Variants in MDFIC2 observed in about 807,000 individuals in gnomAD.
The protein encoded by MDFIC2 is myoD family inhibitor domain-containing protein 2.
intron 2 of MDFIC2, among the ~76,000 whole-genome samples, chr3:70,254,368 A>T (rs1701795865): frequency 6.6e-6 from 1 of 152,170 alleles, no homozygotes; most frequent in African/African-American, 2.4e-5. Flanking sequence ...ATTCTCAATT[A>T]TTATTTTGTT....
chr3:70,223,173 G>C (rs906050960), intron 2 of MDFIC2, among the ~76,000 whole-genome samples: 2 of 152,132 alleles, frequency 1.3e-5, no homozygotes, highest in African/African-American at 4.8e-5. Context: ...GTAACAGGGT[G>C]CTAACATGTG....
At chr3:70,277,583 T>C (rs1410208137) in intron 2 of MDFIC2, among the ~76,000 whole-genome samples, 1 of 152,218 alleles carries the variant, frequency 6.6e-6, no homozygotes, top group Non-Finnish European at 1.5e-5. Context: ...ATTGGCCTAA[T>C]GCAAGCAATA....
chr3:70,221,250 T>C (rs538412436), intron 2 of MDFIC2, among the ~76,000 whole-genome samples: 1 of 152,284 alleles, frequency 6.6e-6, no homozygotes, highest in African/African-American at 2.4e-5. Context: ...AAAATAATGA[T>C]AGCTAACATT....
Position 70,230,514 on chromosome 3 carries a change from A to C in MDFIC2, c.89-23724T>G, listed in dbSNP as rs578217867. Among the ~76,000 whole-genome samples, 575 of 152,142 alleles carry C rather than the reference A, an allele frequency of 3.8e-3. 2 individuals are homozygous for C. The highest frequency in any genetic ancestry group is 0.013 in the African/African-American group (531 of 41,512). ...CGAGATGAATCATATATATATATATACAGTTTTGCAATCCTAGCCTAATAG... is the reference window on the plus strand; with the variant it reads ...CGAGATGAATCATATATATATATATCCAGTTTTGCAATCCTAGCCTAATAG... On this transcript the variant is annotated intron_variant, in intron 2 of 3. Coordinates refer to ENST00000567252, the MANE Select transcript of MDFIC2 (RefSeq NM_001364677.1).
At position 70,197,059 on chromosome 3, in the gene MDFIC2, G is replaced by A. The variant is rs1486132887; in HGVS notation, c.437C>T (p.Thr146Ile). ...ATTCCGAGAGTGGTTTTCATCCGAG[G>A]TGTGGTGATACCGGCGAGAGGGGCA... Reference protein sequence around the residue: ...MCCPSRRYHHTSDENHSRNDC... With the variant: ...MCCPSRRYHHISDENHSRNDC... The change falls in exon 4 of 4, where the codon ACC (threonine) becomes ATC (isoleucine). Residue 146 changes from threonine to isoleucine, a missense_variant. Transcript: ENST00000567252. 2.5e-6 allele frequency: 1 copy of A among 398,580 alleles called. No homozygotes were observed. The highest frequency in any genetic ancestry group is 1.3e-4 in the South Asian group (1 of 7,856). 24.7% of individuals were successfully genotyped at this position (398,580 alleles called of 1,614,324 possible).
At chr3:70,238,145 G>A (rs934925173) in intron 2 of MDFIC2, among the ~76,000 whole-genome samples, 2 of 151,720 alleles carry the variant, frequency 1.3e-5, no homozygotes, top group African/African-American at 4.8e-5. Flanking sequence ...CTATCTCCTA[G>A]CCACAGCAGC....
intron 2 of MDFIC2, among the ~76,000 whole-genome samples, chr3:70,264,337 T>G (rs1701895775): frequency 6.6e-6 from 1 of 152,208 alleles, no homozygotes; most frequent in Non-Finnish European, 1.5e-5. Flanking sequence ...TTTACATATT[T>G]AGAAATCTGC....
intron 2 of MDFIC2, among the ~76,000 whole-genome samples, chr3:70,276,811 A>T (rs1194792692): frequency 6.6e-6 from 1 of 152,232 alleles, no homozygotes; most frequent in Non-Finnish European, 1.5e-5. Flanking sequence ...TAAGCCAGAA[A>T]TATTTACTAT....
intron 2 of MDFIC2, among the ~76,000 whole-genome samples, chr3:70,286,150 T>C (rs541877426): frequency 6.6e-6 from 1 of 152,342 alleles, no homozygotes; most frequent in Non-Finnish European, 1.5e-5. Context: ...ATGTCCTGAA[T>C]GGTAATGCCT....
At chr3:70,257,672 T>C (rs1035932484) in intron 2 of MDFIC2, among the ~76,000 whole-genome samples, 4 of 152,166 alleles carry the variant, frequency 2.6e-5, no homozygotes, top group African/African-American at 9.6e-5. Flanking sequence ...CTACCTAAAT[T>C]AATGGAGATA....
At chr3:70,312,218 A>G (rs1464144832) in intron 1 of MDFIC2, among the ~76,000 whole-genome samples, 2 of 152,222 alleles carry the variant, frequency 1.3e-5, no homozygotes, top group Non-Finnish European at 2.9e-5. Flanking sequence ...ACAAGACCTT[A>G]CAATTTCTCA....
chr3:70,290,875 C>T (rs574902504), intron 2 of MDFIC2, among the ~76,000 whole-genome samples: 2 of 152,318 alleles, frequency 1.3e-5, no homozygotes, highest in South Asian at 4.1e-4. Context: ...CTCGCTGACC[C>T]CTTGCGCTTC....
chr3:70,289,848 G>T (rs1256029732), intron 2 of MDFIC2, among the ~76,000 whole-genome samples: 3 of 151,874 alleles, frequency 2.0e-5, no homozygotes, highest in African/African-American at 7.3e-5. Context: ...CCAGTTGATT[G>T]CATCGGCTCC....
intron 2 of MDFIC2, among the ~76,000 whole-genome samples, chr3:70,258,797 A>G (rs1455979608): frequency 6.6e-6 from 1 of 152,214 alleles, no homozygotes; most frequent in Non-Finnish European, 1.5e-5. Flanking sequence ...TATTTAGCCA[A>G]TAAAATATAA....
chr3:70,216,904 T>C (rs1277568681), intron 2 of MDFIC2, among the ~76,000 whole-genome samples: 1 of 152,134 alleles, frequency 6.6e-6, no homozygotes, highest in Admixed American at 6.6e-5. Flanking sequence ...CAACCTATTA[T>C]GCACAGGGAC....
intron 2 of MDFIC2, among the ~76,000 whole-genome samples, chr3:70,295,092 C>T (rs775921661): frequency 6.6e-6 from 1 of 152,000 alleles, no homozygotes; most frequent in Non-Finnish European, 1.5e-5. Flanking sequence ...GGCAGTGGGA[C>T]CATTATTGGG....
At chr3:70,277,379 C>G (rs75357543) in intron 2 of MDFIC2, among the ~76,000 whole-genome samples, 1 of 152,252 alleles carries the variant, frequency 6.6e-6, no homozygotes, top group East Asian at 1.9e-4. Flanking sequence ...CAGCACTGGC[C>G]TCACACAGGC....
intron 2 of MDFIC2, among the ~76,000 whole-genome samples, chr3:70,260,437 G>T (rs756745162): frequency 3.9e-5 from 6 of 151,930 alleles, no homozygotes; most frequent in Non-Finnish European, 5.9e-5. Context: ...AGGTAATGGG[G>T]GTTAGTACCT....
At chr3:70,297,142 A>G (rs1702297268) in intron 2 of MDFIC2, among the ~76,000 whole-genome samples, 1 of 152,114 alleles carries the variant, frequency 6.6e-6, no homozygotes, top group South Asian at 2.1e-4. Flanking sequence ...TTAAAAAAAT[A>G]TTTTTATGCA....
Sources: allele counts gnomAD v4.1 joint callset (sites outside exome capture counted in the v4.1 genomes callset), GRCh38; gene constraint gnomAD v4.1.1; transcripts MANE v1.5; gene names NCBI Gene and HGNC (gene_info 2026-07-23, HGNC 2026-07-21).